Variants in BACH2 observed in about 807,000 individuals in gnomAD.
The protein encoded by BACH2 is BACH transcriptional regulator 2.
A neutral mutation model predicts 61.8 loss-of-function variants in BACH2; 5 were observed. That is an observed-to-expected ratio of 0.08 (90% confidence interval 0.04 to 0.17). The LOEUF is 0.17. Among genes scored for constraint, BACH2 ranks in the 10% least tolerant of loss-of-function variants. BACH2 has a pLI of 1.00. For synonymous variants in BACH2, 446 were observed against 440.1 expected, an observed-to-expected ratio of 1.01 and a Z score of -0.17; for missense variants, 824 against 1,091.1, an observed-to-expected ratio of 0.76 and a Z score of 3.45.
chr6:90,105,944 C>T (rs1436821607), intron 4 of BACH2, among the ~76,000 whole-genome samples: 2 of 152,282 alleles, frequency 1.3e-5, no homozygotes, highest in Non-Finnish European at 1.5e-5. Context: ...GTTAGTGAGC[C>T]TCTTGCATCA....
At chr6:90,050,539 G>C (rs1779993366) in intron 5 of BACH2, among the ~76,000 whole-genome samples, 1 of 152,096 alleles carries the variant, frequency 6.6e-6, no homozygotes, top group South Asian at 2.1e-4. Flanking sequence ...ATGTCTTCTA[G>C]TATGCTGGAC....
rs1772507820 is a variant in BACH2, at chr6:89,929,202, A to AT, written c.*3205dup. The AT allele has an allele frequency of 6.6e-6, 1 of 152,296 alleles. No homozygotes were observed. The highest frequency in any genetic ancestry group is 2.4e-5 in the African/African-American group (1 of 41,418). The allele number at this position is 152,296 out of a possible 1,614,324, so 9.4% of individuals were successfully genotyped here. On this transcript the variant is annotated 3_prime_UTR_variant, in exon 9 of 9. Transcript: ENST00000257749. Reference sequence around the variant, plus strand: ...ACAGCCCGTGGTTGGAGGGTCTCTTATTTTTGTAAGAAAAGAGCCTTAAGA... The same window carrying AT: ...ACAGCCCGTGGTTGGAGGGTCTCTTATTTTTTGTAAGAAAAGAGCCTTAAGA...
At chr6:90,125,779 C>T (rs1213651327) in intron 4 of BACH2, among the ~76,000 whole-genome samples, 1 of 152,214 alleles carries the variant, frequency 6.6e-6, no homozygotes, top group African/African-American at 2.4e-5. Flanking sequence ...ACCCAGCACA[C>T]GCAACTTCTC....
At chr6:90,157,240 T>C (rs945154559) in intron 4 of BACH2, among the ~76,000 whole-genome samples, 8 of 152,232 alleles carry the variant, frequency 5.3e-5, no homozygotes, top group African/African-American at 1.4e-4. Flanking sequence ...TATGAGTTAT[T>C]TGGGATTTAG....
chr6:90,047,134 C>G (rs376336843), intron 5 of BACH2, among the ~76,000 whole-genome samples: 11 of 152,180 alleles, frequency 7.2e-5, no homozygotes, highest in Admixed American at 4.6e-4. Flanking sequence ...GTTGGCCAGG[C>G]TGGTCTCGAA....
In BACH2 at chr6:89,930,603, C is replaced by T. The variant is rs952669001; in HGVS notation, c.*1805G>A. The T allele has an allele frequency of 1.3e-5, 2 of 152,798 alleles. No homozygotes were observed. The highest frequency in any genetic ancestry group is 2.9e-5 in the Non-Finnish European group (2 of 68,082). 9.5% of individuals were successfully genotyped at this position (152,798 alleles called of 1,614,324 possible). ...AGCGAGGGAGCTGATTCCTCCTCCT[C>T]TGGGGCACACCTTCCTGTAAACGTG... is the stretch of plus-strand genomic sequence containing the variant. On this transcript the variant is annotated 3_prime_UTR_variant, in exon 9 of 9. Coordinates refer to ENST00000257749, the MANE Select transcript of BACH2 (RefSeq NM_021813.4).
chr6:90,274,988 G>A (rs942964290), intron 1 of BACH2, among the ~76,000 whole-genome samples: 5 of 152,184 alleles, frequency 3.3e-5, no homozygotes, highest in African/African-American at 9.6e-5. Context: ...GGGTCCAAAC[G>A]CAGGGAGGAC....
At chr6:90,295,654 G>GGTGT (rs138869202) in intron 1 of BACH2, among the ~76,000 whole-genome samples, 6,412 of 147,788 alleles carry the variant, frequency 0.043, 384 homozygotes, top group African/African-American at 0.13. Flanking sequence ...TGGAGTGTAG[G>GGTGT]GTGTGTGTGT....
chr6:90,042,744 A>C (rs9451327), intron 5 of BACH2, among the ~76,000 whole-genome samples: 2,499 of 152,336 alleles, frequency 0.016, 81 homozygotes, highest in African/African-American at 0.056. Flanking sequence ...CAAAACATAC[A>C]TACCTATAAT....
At chr6:90,229,511 G>T (rs1000463859) in intron 3 of BACH2, among the ~76,000 whole-genome samples, 1 of 152,014 alleles carries the variant, frequency 6.6e-6, no homozygotes, top group African/African-American at 2.4e-5. Context: ...GCCATCTGTA[G>T]CTCTTAAAGA....
At chr6:90,231,985 CAGAGAGAGAGAG>C (rs542457957) in intron 3 of BACH2, among the ~76,000 whole-genome samples, 1 of 149,260 alleles carries the variant, frequency 6.7e-6, no homozygotes, top group African/African-American at 2.4e-5. Context: ...GAGAGAGAGA[CAGAGAGAGAGAG>C]AGAGAGAGAG....
At chr6:90,189,912 G>A (rs988199416) in intron 4 of BACH2, among the ~76,000 whole-genome samples, 1 of 152,042 alleles carries the variant, frequency 6.6e-6, no homozygotes, top group African/African-American at 2.4e-5. Context: ...TGAAGCCTCT[G>A]CTTCTTTGGG....
chr6:90,098,826 C>A (rs1339664361), intron 4 of BACH2, among the ~76,000 whole-genome samples: 1 of 152,106 alleles, frequency 6.6e-6, no homozygotes, highest in Non-Finnish European at 1.5e-5. Context: ...TCCGGAACAC[C>A]CCTACGTGGC....
chr6:90,207,824 A>G (rs1049876615), intron 3 of BACH2, among the ~76,000 whole-genome samples: 1 of 152,220 alleles, frequency 6.6e-6, no homozygotes, highest in African/African-American at 2.4e-5. Context: ...CATGTCTGCT[A>G]ACTAAGTCCA....
intron 5 of BACH2, among the ~76,000 whole-genome samples, chr6:90,044,715 G>A (rs910560051): frequency 1.3e-5 from 2 of 152,170 alleles, no homozygotes; most frequent in Non-Finnish European, 1.5e-5. Context: ...TGGAGCTGAC[G>A]GGATTTGCTA....
At chr6:90,296,093 C>T (rs2127897388) in intron 1 of BACH2, among the ~76,000 whole-genome samples, 1 of 152,134 alleles carries the variant, frequency 6.6e-6, no homozygotes, top group South Asian at 2.1e-4. Flanking sequence ...ACAGCTGCTG[C>T]GGCTCGCGCG....
At chr6:89,962,596 C>T (rs1269796624) in intron 6 of BACH2, among the ~76,000 whole-genome samples, 1 of 152,190 alleles carries the variant, frequency 6.6e-6, no homozygotes, top group Admixed American at 6.5e-5. Context: ...AACACAACTG[C>T]TGGCACAATT....
chr6:90,186,807 T>C (rs1157108623), intron 4 of BACH2, among the ~76,000 whole-genome samples: 1 of 152,114 alleles, frequency 6.6e-6, no homozygotes, highest in Non-Finnish European at 1.5e-5. Flanking sequence ...CTATCAGTAT[T>C]TTACAGATGA....
chr6:89,994,980 C>T (rs974864278), intron 6 of BACH2, among the ~76,000 whole-genome samples: 3 of 152,148 alleles, frequency 2.0e-5, no homozygotes, highest in Admixed American at 6.5e-5. Flanking sequence ...CTGGGCATAT[C>T]GTTCCTCCAA....
Sources: allele counts gnomAD v4.1 joint callset (sites outside exome capture counted in the v4.1 genomes callset), GRCh38; gene constraint gnomAD v4.1.1; transcripts MANE v1.5; gene names NCBI Gene and HGNC (gene_info 2026-07-23, HGNC 2026-07-21).